PCDHGA8: variants seen among roughly 807,000 people sequenced by gnomAD.
The protein encoded by PCDHGA8 is protocadherin gamma-A8.
Under a neutral mutation model 59.2 loss-of-function variants are expected in PCDHGA8, and 45 were observed. The observed-to-expected ratio is 0.76, with a 90% CI of 0.60 to 0.98. The LOEUF (loss-of-function observed/expected upper bound fraction) is 0.98, where lower values mean the gene tolerates loss of function less well. PCDHGA8 is among the 50% of genes least tolerant of loss of function. The pLI is 0.00. For missense variants in PCDHGA8, 1,257 were observed against 1,196.2 expected (o/e 1.05, Z -0.75); for synonymous variants, 531 against 519.0 (o/e 1.02, Z -0.32).
chr5:141,470,650 T>C (rs2099235744), intron 1 of PCDHGA8, among the ~76,000 whole-genome samples: 1 of 152,184 alleles, frequency 6.6e-6, no homozygotes, highest in Non-Finnish European at 1.5e-5. Context: ...TGAAGGCCCC[T>C]ACCCTTTGGT....
rs779183487 is a variant in PCDHGA8, at chr5:141,430,845, C to T, written c.2424+35608C>T. ...GGGACTCTGTGGGAGACCGGATGCA[C>T]CCAGATACGCTATTCAGTTCCGGAA... On this transcript the variant is annotated intron_variant, in intron 1 of 3. Coordinates refer to ENST00000398604, the MANE Select transcript of PCDHGA8 (RefSeq NM_032088.2). 27 of 1,575,514 alleles carry T rather than the reference C, an allele frequency of 1.7e-5. No individual in the cohort carries two copies. In the African/African-American group the frequency reaches 3.7e-4, roughly 21 times the overall value.
intron 1 of PCDHGA8, chr5:141,441,038 G>A (rs1263659082): frequency 6.6e-6 from 1 of 152,156 alleles, no homozygotes; most frequent in African/African-American, 2.4e-5. Context: ...AAAACTTTAA[G>A]TACATTGGAC....
At chr5:141,403,577 C>T (rs1188693688) in intron 1 of PCDHGA8, 2 of 1,613,812 alleles carry the variant, frequency 1.2e-6, no homozygotes, top group South Asian at 1.1e-5. Context: ...AACTGCCCAC[C>T]ACCTGGTCCT....
rs1023140435 is a variant in PCDHGA8, at chr5:141,415,749, T to G, written c.2424+20512T>G. The G allele has an allele frequency of 4.7e-4, 569 of 1,213,970 alleles. 1 individual carries two copies. Among genetic ancestry groups the G allele is most frequent in the Admixed American group, 3.5e-3 (90 of 25,886 alleles). The allele number at this position is 1,213,970 out of a possible 1,614,324, so 75.2% of individuals were successfully genotyped here. The stretch of plus-strand genomic sequence containing the variant: ...TTTGATGTTTATTAAGGTTTTTTTT[T>G]TTTTTTTTTTTTTTTTTTTTTTTAC... On this transcript the variant is annotated intron_variant, in intron 1 of 3. Transcript: ENST00000398604.
Position 141,487,322 on chromosome 5 carries a change from C to T in PCDHGA8, c.2425-7485C>T, listed in dbSNP as rs760334964. 7.4e-6 allele frequency: 12 copies of T among 1,614,134 alleles called. No homozygotes were observed. Among genetic ancestry groups the T allele is most frequent in the South Asian group, 3.3e-5 (3 of 91,082 alleles). ...CGTGGCACTACTCTCTAAGTGTCTT[C>T]GTGGGGCAGCCTGTGGAGTCACATG... On this transcript the variant is annotated intron_variant, in intron 1 of 3. Coordinates refer to ENST00000398604, the MANE Select transcript of PCDHGA8 (RefSeq NM_032088.2). The surrounding 1 kb of genome is among the most constrained non-coding windows in gnomAD (Gnocchi z 5.0).
chr5:141,458,549 T>A (rs2098948402), intron 1 of PCDHGA8, among the ~76,000 whole-genome samples: 1 of 148,072 alleles, frequency 6.8e-6, no homozygotes, highest in African/African-American at 2.6e-5. Flanking sequence ...ATTTTGTTTG[T>A]TTGTTTTGGT....
chr5:141,490,482 G>A lies in PCDHGA8; in HGVS notation c.2425-4325G>A. On this transcript the variant is annotated intron_variant, in intron 1 of 3. Coordinates refer to ENST00000398604, the MANE Select transcript of PCDHGA8 (RefSeq NM_032088.2). The surrounding 1 kb of genome is among the most constrained non-coding windows in gnomAD (Gnocchi z 5.4). ...TGCTAACCAGCCAGCCTTTGGACCG[G>A]GAGGCCACATCCCACTATATCATCG... 2.5e-6 allele frequency: 4 copies of A among 1,614,154 alleles called. No homozygotes were observed. In the South Asian group the frequency reaches 4.4e-5, roughly 18 times the overall value.
In PCDHGA8 at chr5:141,432,038, C is replaced by T. The variant is rs202246871; in HGVS notation, c.2424+36801C>T. ...CAACATCACAGTGACCGCCACTGAC[C>T]GGGGAACCCCGCCCCTATCCACGGA... On this transcript the variant is annotated intron_variant, in intron 1 of 3. Coordinates refer to ENST00000398604, the MANE Select transcript of PCDHGA8 (RefSeq NM_032088.2). The surrounding 1 kb of genome is among the most constrained non-coding windows in gnomAD (Gnocchi z 6.0). 15 of 1,614,190 alleles carry T rather than the reference C, an allele frequency of 9.3e-6. No individual in the cohort carries two copies. The African/African-American group carries it at 1.5e-4, about 16-fold the overall frequency.
At chr5:141,408,784 A>G (rs777838376) in intron 1 of PCDHGA8, 2 of 1,612,506 alleles carry the variant, frequency 1.2e-6, no homozygotes, top group Admixed American at 1.7e-5. Context: ...ACCCAGAGTT[A>G]TCTCTGGAGA....
chr5:141,407,135 GA>G (rs796659459), intron 1 of PCDHGA8, among the ~76,000 whole-genome samples: 93 of 151,930 alleles, frequency 6.1e-4, no homozygotes, highest in African/African-American at 2.2e-3. Flanking sequence ...TTATTTTTAA[GA>G]AAAAAAAGCT....
chr5:141,415,947 C>T (rs1161530180), intron 1 of PCDHGA8: 1 of 532,382 alleles, frequency 1.9e-6, no homozygotes, highest in Admixed American at 4.2e-5. Flanking sequence ...CCTGGGTGGT[C>T]ACATATTGAA....
intron 1 of PCDHGA8, chr5:141,418,478 G>A (rs777772131): frequency 1.2e-6 from 2 of 1,613,858 alleles, no homozygotes; most frequent in Non-Finnish European, 1.7e-6. Flanking sequence ...AACGCAGAGC[G>A]CTCACCACTT....
chr5:141,455,494 T>C (rs1223531150), intron 1 of PCDHGA8, among the ~76,000 whole-genome samples: 2 of 152,214 alleles, frequency 1.3e-5, no homozygotes, highest in African/African-American at 4.8e-5. Context: ...AGGTGATGTC[T>C]GATTTGCATA....
intron 3 of PCDHGA8, among the ~76,000 whole-genome samples, chr5:141,508,752 C>G (rs2099871515): frequency 6.6e-6 from 1 of 152,028 alleles, no homozygotes. Flanking sequence ...CGCTCTTTCT[C>G]TGGCGCCTCT....
chr5:141,395,819 T>A (rs2093315125), intron 1 of PCDHGA8: 1 of 152,210 alleles, frequency 6.6e-6, no homozygotes, highest in Admixed American at 6.5e-5. Context: ...ATGAACAAAC[T>A]TTAAAGATGG....
At chr5:141,450,653 A>AT (rs2098689237) in intron 1 of PCDHGA8, among the ~76,000 whole-genome samples, 1 of 151,192 alleles carries the variant, frequency 6.6e-6, no homozygotes, top group Non-Finnish European at 1.5e-5. Context: ...TGCCTGGCTA[A>AT]TTTTTGTACT....
At chr5:141,471,965 G>A (rs919560714) in intron 1 of PCDHGA8, among the ~76,000 whole-genome samples, 4 of 152,160 alleles carry the variant, frequency 2.6e-5, no homozygotes, top group Non-Finnish European at 4.4e-5. Context: ...GGGGTTGGTT[G>A]CATTACTGTA....
chr5:141,410,623 G>T, intron 1 of PCDHGA8: 2 of 1,603,052 alleles, frequency 1.2e-6, no homozygotes, highest in Non-Finnish European at 1.7e-6. Context: ...TGACTTCGGT[G>T]AGTTTCTCTT....
Position 141,428,338 on chromosome 5 carries a change from T to C in PCDHGA8, c.2424+33101T>C, listed in dbSNP as rs575215422. 427 of 592,394 alleles carry C rather than the reference T, an allele frequency of 7.2e-4. 1 individual carries two copies. The highest frequency in any genetic ancestry group is 1.3e-3 in the Non-Finnish European group (409 of 326,444). 36.7% of individuals were successfully genotyped at this position (592,394 alleles called of 1,614,324 possible). ...CTTGGCCTTGATTTCTATGCTCTTC[T>C]TCCTCGCAGTGATTTTGGCGGTCGC... On this transcript the variant is annotated intron_variant, in intron 1 of 3. Coordinates refer to ENST00000398604, the MANE Select transcript of PCDHGA8 (RefSeq NM_032088.2).
Sources: allele counts gnomAD v4.1 joint callset (sites outside exome capture counted in the v4.1 genomes callset), GRCh38; gene constraint gnomAD v4.1.1; non-coding constraint Gnocchi (gnomAD v3.1); transcripts MANE v1.5; gene names NCBI Gene and HGNC (gene_info 2026-07-23, HGNC 2026-07-21).